PRRT4: variants seen among roughly 807,000 people sequenced by gnomAD.
The protein encoded by PRRT4 is proline-rich transmembrane protein 4.
In PRRT4, 59 loss-of-function variants were observed where a neutral mutation model predicts 55.6. That is an observed-to-expected ratio of 1.06 (90% CI 0.86 to 1.32). The LOEUF (loss-of-function observed/expected upper bound fraction) is 1.32, where lower values mean the gene tolerates loss of function less well. PRRT4 is among the 40% of genes most tolerant of loss of function. The pLI, the probability that PRRT4 is intolerant of heterozygous loss-of-function variation, is 0.00. For synonymous variants in PRRT4, 606 were observed against 601.8 expected (o/e 1.01, Z -0.10); for missense variants, 1,217 against 1,222.0 (o/e 1.00, Z 0.06).
chr7:128,353,174 G>A (rs1361292207), intron 4 of PRRT4, among the ~76,000 whole-genome samples: 1 of 152,070 alleles, frequency 6.6e-6, no homozygotes, highest in Non-Finnish European at 1.5e-5. Flanking sequence ...TCCCTGTACT[G>A]CCGGATGCAG....
exon 5 of PRRT4, chr7:128,351,129 G>A (rs771725040): frequency 1.3e-6 from 2 of 1,547,938 alleles, no homozygotes; most frequent in East Asian, 2.4e-5. Flanking sequence ...TGTCCCGCGA[G>A]AGTCCGCAGA....
At position 128,358,613 on chromosome 7, in the gene PRRT4, G is replaced by A; in HGVS notation, c.877+68C>T. ...TGAAATAAAAGGGTCCCAGAACACT[G>A]ATGAGTGACTAGCATGTAGTAAGTG... is the stretch of plus-strand genomic sequence containing the variant. On this transcript the variant is annotated intron_variant, in intron 4 of 4. Coordinates refer to ENST00000535159, the Ensembl canonical transcript of PRRT4. The surrounding 1 kb of genome is among the most constrained non-coding windows in gnomAD (Gnocchi z 4.4). 7.3e-7 allele frequency: 1 copy of A among 1,365,050 alleles called. No individual in the cohort carries two copies. Among genetic ancestry groups the A allele is most frequent in the South Asian group, 1.3e-5 (1 of 79,814 alleles). 84.6% of individuals were successfully genotyped at this position (1,365,050 alleles called of 1,614,324 possible).
Position 128,352,002 on chromosome 7 carries a change from GC to G in PRRT4, c.1553del (p.Cys518SerfsTer53). 7.6e-7 allele frequency: 1 copy of G among 1,315,870 alleles called. No homozygotes were observed. 81.5% of individuals were successfully genotyped at this position (1,315,870 alleles called of 1,614,324 possible). ...CGGCCCGCCGCCGCCGCCCGCCCCA[GC>G]AGGAGAGCGCCAGCAGCAGCCCGGA... On this transcript the variant is annotated frameshift_variant, in exon 5 of 5. Transcript: ENST00000535159. LOFTEE classifies it high-confidence loss of function.
chr7:128,355,504 C>T, intron 4 of PRRT4, among the ~76,000 whole-genome samples: 1 of 152,114 alleles, frequency 6.6e-6, no homozygotes, highest in South Asian at 2.1e-4. Context: ...CCAAATAATA[C>T]TTTTCTGATG....
rs1318199009 is a variant in PRRT4 at position 128,361,101 on chromosome 7, T to TCACA, written c.-73+459_-73+460insTGTG. 4.6e-3 allele frequency among the ~76,000 whole-genome samples: 548 copies of TCACA among 118,230 alleles called. 3 individuals carry two copies. Among genetic ancestry groups the TCACA allele is most frequent in the African/African-American group, 0.01 (270 of 26,592 alleles). 77.6% of individuals were successfully genotyped at this position (118,230 alleles called of 152,430 possible). A position where few individuals can be genotyped will look rare whatever the true frequency, so the allele number is the denominator to read the frequency against. On this transcript the variant is annotated intron_variant, in intron 1 of 4. Transcript: ENST00000535159. ...GTCTCTCTCTCTCTCTCTCTCTCTC[T>TCACA]CTCACACACACACACACACACACAC...
chr7:128,352,432 C>T, exon 5 of PRRT4: 2 of 1,537,464 alleles, frequency 1.3e-6, no homozygotes, highest in Non-Finnish European at 1.7e-6. Context: ...GGCAACCAGG[C>T]CGAAGAGCGC....
At position 128,358,020 on chromosome 7, in the gene PRRT4, G is replaced by A. The variant is rs763470093; in HGVS notation, c.877+661C>T. On this transcript the variant is annotated intron_variant, in intron 4 of 4. Coordinates refer to ENST00000535159, the Ensembl canonical transcript of PRRT4. The surrounding 1 kb of genome is among the most constrained non-coding windows in gnomAD (Gnocchi z 4.4). Reference sequence around the variant, plus strand: ...CTAAGAGCTTTGCAATAACTAGCAAGTACTATTATTAAACCCTGGGTCTAT... The same window carrying A: ...CTAAGAGCTTTGCAATAACTAGCAAATACTATTATTAAACCCTGGGTCTAT... Among the ~76,000 whole-genome samples the A allele has an allele frequency of 6.6e-5, 10 of 152,184 alleles. No homozygotes were observed. Among genetic ancestry groups the A allele is most frequent in the Admixed American group, 2.0e-4 (3 of 15,282 alleles).
intron 4 of PRRT4, among the ~76,000 whole-genome samples, chr7:128,356,923 C>T (rs1797123176): frequency 6.6e-6 from 1 of 152,190 alleles, no homozygotes; most frequent in African/African-American, 2.4e-5. Context: ...TGAGTTGGCA[C>T]AGGTGCCAGC....
exon 2 of PRRT4, chr7:128,359,689 C>A (rs534230774): frequency 5.2e-6 from 8 of 1,551,340 alleles, no homozygotes; most frequent in Non-Finnish European, 7.0e-6. Flanking sequence ...AGCCCACCAG[C>A]AATTCCCAAA....
chr7:128,359,501 AGT>A lies in PRRT4; in HGVS notation c.489_490del (p.Leu164SerfsTer17). On this transcript the variant is annotated frameshift_variant, in exon 2 of 5. Transcript: ENST00000535159. LOFTEE classifies it high-confidence loss of function. ...GTGGGGCCTGGGAGCACTGGATGGA[AGT>A]GCTGTCACCATCAGAGCAGTGTCCC... The A allele has an allele frequency of 6.8e-7, 1 of 1,466,916 alleles. No individual in the cohort carries two copies. Among genetic ancestry groups the A allele is most frequent in the Non-Finnish European group, 9.0e-7 (1 of 1,109,086 alleles). 90.9% of individuals were successfully genotyped at this position (1,466,916 alleles called of 1,614,324 possible).
intron 4 of PRRT4, among the ~76,000 whole-genome samples, chr7:128,356,151 C>T (rs893814446): frequency 6.6e-6 from 1 of 152,054 alleles, no homozygotes; most frequent in Non-Finnish European, 1.5e-5. Flanking sequence ...CCCAGATACT[C>T]AGGAGGCTGA....
chr7:128,361,523 G>T (rs143543532), intron 1 of PRRT4, 38 bp downstream of exon 1: 6,167 of 153,010 alleles, frequency 0.04, 163 homozygotes, highest in Middle Eastern at 0.078. Context: ...CTGCCCCTGA[G>T]CCGCCCCCGG....
At chr7:128,354,269 C>G (rs930156411) in intron 4 of PRRT4, among the ~76,000 whole-genome samples, 62 of 152,164 alleles carry the variant, frequency 4.1e-4, no homozygotes, top group African/African-American at 1.4e-3. Context: ...ACACTCAAAA[C>G]ATAACAGTTC....
At chr7:128,355,798 G>A (rs1327126277) in intron 4 of PRRT4, among the ~76,000 whole-genome samples, 1 of 152,184 alleles carries the variant, frequency 6.6e-6, no homozygotes, top group Non-Finnish European at 1.5e-5. Flanking sequence ...GCCCCAGCCT[G>A]TCACCCCCTT....
At chr7:128,354,427 G>A (rs1213048901) in intron 4 of PRRT4, among the ~76,000 whole-genome samples, 1 of 152,188 alleles carries the variant, frequency 6.6e-6, no homozygotes, top group Non-Finnish European at 1.5e-5. Context: ...AGCCAGGCGT[G>A]GTGGCACATG....
chr7:128,351,774 G>A (rs1454884593), exon 5 of PRRT4: 2 of 1,436,322 alleles, frequency 1.4e-6, no homozygotes, highest in East Asian at 2.9e-5. Context: ...ACCAGGGCCA[G>A]GGCCCTTCCA....
chr7:128,356,190 TGCAGTGA>T lies in PRRT4; in HGVS notation c.877+2484_877+2490del, dbSNP rs573072563. Among the ~76,000 whole-genome samples the T allele has an allele frequency of 6.4e-3, 978 of 152,128 alleles. 7 individuals are homozygous for T. The highest frequency in any genetic ancestry group is 8.7e-3 in the Non-Finnish European group (594 of 68,004). Reference sequence around the variant, plus strand: ...AGGAGAATCGCTTGAACCCGGAGGATGCAGTGAGCTGAGATCACACCACTGCACTCCA... The same window carrying T: ...AGGAGAATCGCTTGAACCCGGAGGATGCTGAGATCACACCACTGCACTCCA... On this transcript the variant is annotated intron_variant, in intron 4 of 4. Coordinates refer to ENST00000535159, the Ensembl canonical transcript of PRRT4.
chr7:128,354,318 C>A (rs1341477977), intron 4 of PRRT4, among the ~76,000 whole-genome samples: 1 of 152,256 alleles, frequency 6.6e-6, no homozygotes, highest in Non-Finnish European at 1.5e-5. Flanking sequence ...AATCCCAGCA[C>A]TTTGGGAGGC....
At chr7:128,355,097 T>C (rs1797086073) in intron 4 of PRRT4, among the ~76,000 whole-genome samples, 1 of 152,238 alleles carries the variant, frequency 6.6e-6, no homozygotes, top group Non-Finnish European at 1.5e-5. Context: ...TTCACAGTCC[T>C]AAACTTGCGT....
Sources: allele counts gnomAD v4.1 joint callset (sites outside exome capture counted in the v4.1 genomes callset), GRCh38; gene constraint gnomAD v4.1.1; non-coding constraint Gnocchi (gnomAD v3.1); transcripts MANE v1.5; gene names NCBI Gene and HGNC (gene_info 2026-07-23, HGNC 2026-07-21).